DDX10: variants seen among roughly 807,000 people sequenced by gnomAD.
The protein encoded by DDX10 is probable ATP-dependent RNA helicase DDX10.
In DDX10, 74 loss-of-function variants were observed where a neutral mutation model predicts 104.3. That is an observed-to-expected ratio of 0.71 (90% CI 0.59 to 0.86). DDX10 has a LOEUF of 0.86. DDX10 is among the 40% of genes least tolerant of loss of function. The probability of loss-of-function intolerance (pLI) is 0.00; values close to 1 mark genes in which losing one functional copy is unlikely to be tolerated. For missense variants in DDX10, 952 were observed against 1,040.0 expected (o/e 0.92, Z 1.16); for synonymous variants, 351 against 353.4 (o/e 0.99, Z 0.08).
chr11:108,712,187 C>G (rs1004112848), intron 10 of DDX10, among the ~76,000 whole-genome samples: 3 of 152,072 alleles, frequency 2.0e-5, no homozygotes, highest in Admixed American at 6.6e-5. Flanking sequence ...ATTTATGTGT[C>G]TTTATATTGA....
chr11:108,796,572 A>G (rs1392719271), intron 13 of DDX10, among the ~76,000 whole-genome samples: 1 of 152,226 alleles, frequency 6.6e-6, no homozygotes, highest in Non-Finnish European at 1.5e-5. Flanking sequence ...TTTTTAATCT[A>G]AAAACTGTCT....
At chr11:108,788,730 T>C (rs980394448) in intron 13 of DDX10, among the ~76,000 whole-genome samples, 1 of 152,234 alleles carries the variant, frequency 6.6e-6, no homozygotes, top group Non-Finnish European at 1.5e-5. Flanking sequence ...TGGTGTATTT[T>C]GGGCTGCAAT....
chr11:108,851,111 A>G (rs769442676), intron 15 of DDX10, among the ~76,000 whole-genome samples: 22 of 152,146 alleles, frequency 1.4e-4, no homozygotes, highest in Non-Finnish European at 3.1e-4. Context: ...ATATATAGCT[A>G]TAGTCTTAAT....
intron 13 of DDX10, among the ~76,000 whole-genome samples, chr11:108,772,697 G>A (rs1160002174): frequency 6.6e-6 from 1 of 152,218 alleles, no homozygotes; most frequent in Non-Finnish European, 1.5e-5. Context: ...GCGGCCAGGC[G>A]GGTGAGCGGG....
intron 16 of DDX10, among the ~76,000 whole-genome samples, chr11:108,898,328 C>T (rs1863468082): frequency 6.6e-6 from 1 of 152,038 alleles, no homozygotes; most frequent in South Asian, 2.1e-4. Context: ...ATATTCAGAA[C>T]AAAGAGTAGG....
intron 13 of DDX10, among the ~76,000 whole-genome samples, chr11:108,815,934 C>T (rs138680937): frequency 7.2e-5 from 11 of 152,248 alleles, no homozygotes; most frequent in Admixed American, 3.3e-4. Context: ...TCTTTTGAAT[C>T]TATTCAGGTC....
chr11:108,834,951 AATT>A (rs2134590307), intron 13 of DDX10, among the ~76,000 whole-genome samples: 1 of 141,986 alleles, frequency 7.0e-6, no homozygotes, highest in African/African-American at 2.8e-5. Context: ...AAAAAAAAAG[AATT>A]GTCTTAGCCC....
chr11:108,748,684 T>C (rs571203294), intron 13 of DDX10, among the ~76,000 whole-genome samples: 54 of 152,100 alleles, frequency 3.6e-4, no homozygotes, highest in African/African-American at 1.2e-3. Context: ...CTCATTTATT[T>C]AATTTTTTTT....
intron 13 of DDX10, among the ~76,000 whole-genome samples, chr11:108,823,303 G>A (rs1350290308): frequency 6.6e-5 from 10 of 152,136 alleles, no homozygotes; most frequent in Admixed American, 6.5e-4. Context: ...TATATACAAG[G>A]TAGAACTTGG....
intron 13 of DDX10, among the ~76,000 whole-genome samples, chr11:108,731,176 G>A (rs910885881): frequency 6.0e-5 from 9 of 150,694 alleles, no homozygotes; most frequent in Non-Finnish European, 1.5e-5. Flanking sequence ...TCAGCCTCCC[G>A]AGTAGCTGAG....
chr11:108,866,303 G>A (rs1863007392), intron 16 of DDX10, among the ~76,000 whole-genome samples: 1 of 152,156 alleles, frequency 6.6e-6, no homozygotes, highest in Non-Finnish European at 1.5e-5. Context: ...TTGGACAGGA[G>A]TGCCAAATGC....
intron 11 of DDX10, among the ~76,000 whole-genome samples, chr11:108,716,706 CTTG>C (rs1226051528): frequency 7.2e-5 from 11 of 152,140 alleles, no homozygotes; most frequent in East Asian, 1.9e-4. Context: ...ACGTTTATGA[CTTG>C]TTGTTCCCCA....
chr11:108,692,738 C>T (rs1215377869), intron 8 of DDX10, among the ~76,000 whole-genome samples: 1 of 152,092 alleles, frequency 6.6e-6, no homozygotes, highest in Non-Finnish European at 1.5e-5. Context: ...TACTCTAAAG[C>T]ATATCTCAGA....
intron 17 of DDX10, among the ~76,000 whole-genome samples, chr11:108,927,194 C>A (rs1283823385): frequency 2.0e-5 from 3 of 152,160 alleles, no homozygotes; most frequent in Non-Finnish European, 4.4e-5. Context: ...GCTGCTCAGA[C>A]AGTCTAATAA....
chr11:108,677,014 C>T lies in DDX10; in HGVS notation c.379-71C>T, dbSNP rs573986461. The T allele has an allele frequency of 2.7e-4, 385 of 1,441,376 alleles. 1 individual carries two copies. Among genetic ancestry groups the T allele is most frequent in the Non-Finnish European group, 2.4e-4 (254 of 1,057,080 alleles). 89.3% of individuals were successfully genotyped at this position (1,441,376 alleles called of 1,614,324 possible). A position where few individuals can be genotyped will look rare whatever the true frequency, so the allele number is the denominator to read the frequency against. ...GGAAGATCCCTTTGATTTGGAGGGG[C>T]AAGGTTGAGATGCAGGTCAAAAAGC... is the stretch of plus-strand genomic sequence containing the variant. On this transcript the variant is annotated intron_variant, in intron 3 of 17. Coordinates refer to ENST00000322536, the MANE Select transcript of DDX10 (RefSeq NM_004398.4).
At chr11:108,726,551 A>G (rs1409497586) in intron 13 of DDX10, among the ~76,000 whole-genome samples, 1 of 151,994 alleles carries the variant, frequency 6.6e-6, no homozygotes, top group Non-Finnish European at 1.5e-5. Context: ...ATCATTCTAA[A>G]CTGACCTGTT....
At chr11:108,829,927 A>G (rs1453379170) in intron 13 of DDX10, among the ~76,000 whole-genome samples, 1 of 152,108 alleles carries the variant, frequency 6.6e-6, no homozygotes, top group Admixed American at 6.6e-5. Flanking sequence ...CTATGTGCCT[A>G]TTTTTATACC....
chr11:108,929,343 G>A (rs1328622365), intron 17 of DDX10, among the ~76,000 whole-genome samples: 2 of 152,188 alleles, frequency 1.3e-5, no homozygotes, highest in Non-Finnish European at 2.9e-5. Context: ...TCTGAGGCAA[G>A]ACCTGAAGAA....
chr11:108,877,677 T>C (rs932755368), intron 16 of DDX10, among the ~76,000 whole-genome samples: 3 of 152,216 alleles, frequency 2.0e-5, no homozygotes, highest in Admixed American at 1.3e-4. Context: ...GATCTATATT[T>C]CCTAATCTAA....
Sources: gnomAD v4.1 joint callset for allele counts (sites outside exome capture counted in the v4.1 genomes callset) on GRCh38, gnomAD v4.1.1 for gene constraint, MANE v1.5 for transcripts, NCBI Gene and HGNC (gene_info 2026-07-23, HGNC 2026-07-21) for gene names.